The following TRIM48 variants were observed in gnomAD, a reference collection of about 807,000 sequenced individuals.
TRIM48 encodes tripartite motif containing 48.
A neutral mutation model predicts 29.5 loss-of-function variants in TRIM48; 31 were observed. The ratio of observed to expected loss-of-function variants is 1.05; its 90% confidence interval spans 0.79 to 1.42. The LOEUF (loss-of-function observed/expected upper bound fraction) is 1.42, where lower values mean the gene tolerates loss of function less well. Ranked by LOEUF, TRIM48 falls within the 40% of genes most tolerant of loss-of-function variation. The probability of loss-of-function intolerance (pLI) is 0.00; values close to 1 mark genes in which losing one functional copy is unlikely to be tolerated. For synonymous variants in TRIM48, 128 were observed against 90.6 expected, an observed-to-expected ratio of 1.41 and a Z score of -2.34; for missense variants, 344 against 265.0, an observed-to-expected ratio of 1.30 and a Z score of -2.07.
intron 1 of TRIM48, among the ~76,000 whole-genome samples, chr11:55,264,399 A>C (rs1271531378): frequency 6.8e-6 from 1 of 148,042 alleles, no homozygotes; most frequent in Admixed American, 6.8e-5. Context: ...CAGGACATGC[A>C]GGCTTGTTAC....
rs1029898236 is a variant in TRIM48 at position 55,268,691 on chromosome 11, G to T, written c.578+319G>T. Among the ~76,000 whole-genome samples the T allele has an allele frequency of 2.2e-4, 33 of 147,828 alleles. 2 individuals are homozygous for T. Among genetic ancestry groups the T allele is most frequent in the African/African-American group, 7.4e-4 (30 of 40,362 alleles). On this transcript the variant is annotated intron_variant, in intron 4 of 5. Transcript: ENST00000417545. ...AGGAAGCAGGAGAGAAGTGGGGGAAGTATTTTAGCAGTGAAAAAGTTGATG... is the reference window on the plus strand; with the variant it reads ...AGGAAGCAGGAGAGAAGTGGGGGAATTATTTTAGCAGTGAAAAAGTTGATG...
In TRIM48 at chr11:55,270,407, T is replaced by C. The variant is rs1021314586; in HGVS notation, c.*2-30T>C. 4 of 1,412,998 alleles carry C rather than the reference T, an allele frequency of 2.8e-6. 1 individual carries two copies. Among genetic ancestry groups the C allele is most frequent in the African/African-American group, 1.5e-5 (1 of 68,624 alleles). The allele number at this position is 1,412,998 out of a possible 1,614,324, so 87.5% of individuals were successfully genotyped here. ...TATGCATGTTTTCTTTCTTTCTTTC[T>C]TTCTATTTATTTATTTATTTATTTT... On this transcript the variant is annotated intron_variant, in intron 5 of 5. Coordinates refer to ENST00000417545, the MANE Select transcript of TRIM48 (RefSeq NM_024114.5).
intron 4 of TRIM48, 113 bp downstream of exon 4, chr11:55,268,485 G>A: frequency 3.7e-6 from 4 of 1,070,898 alleles, no homozygotes; most frequent in Non-Finnish European, 4.0e-6. Context: ...ATTTTTTTTT[G>A]CATCTTCTTT....
intron 1 of TRIM48, among the ~76,000 whole-genome samples, chr11:55,262,598 T>C (rs1470317521): frequency 6.6e-6 from 1 of 152,136 alleles, no homozygotes; most frequent in Non-Finnish European, 1.5e-5. Context: ...TATGTACACA[T>C]AGGTGTGTGT....
At chr11:55,269,849 A>T (rs367838816) in intron 5 of TRIM48, among the ~76,000 whole-genome samples, 6 of 147,968 alleles carry the variant, frequency 4.1e-5, no homozygotes, top group African/African-American at 1.5e-4. Context: ...AAAACATCAA[A>T]CAAAAAGAAG....
chr11:55,265,644 T>C lies in TRIM48; in HGVS notation c.504T>C (p.Cys168=). The C allele has an allele frequency of 6.3e-7, 1 of 1,581,710 alleles. No individual in the cohort carries two copies. Among genetic ancestry groups the C allele is most frequent in the Non-Finnish European group, 8.6e-7 (1 of 1,165,366 alleles). ...KKMQSLWEKA[C]ENQRNLNVET... ...TGCAGTCTTTATGGGAAAAAGCTTG[T>C]GAAAATCAGAGAAACCTGAATGTGG... The change falls in exon 3 of 6, where the codon TGT becomes TGC. Residue 168 remains cysteine (C), a synonymous_variant. Coordinates refer to ENST00000417545, the MANE Select transcript of TRIM48 (RefSeq NM_024114.5).
chr11:55,267,514 A>G lies in TRIM48; in HGVS notation c.556-836A>G, dbSNP rs2867253. 5 of 1,579,256 alleles carry G rather than the reference A, an allele frequency of 3.2e-6. No individual in the cohort carries two copies. In the South Asian group the frequency reaches 4.8e-5, roughly 15 times the overall value. On this transcript the variant is annotated intron_variant, in intron 3 of 5. Coordinates refer to ENST00000417545, the MANE Select transcript of TRIM48 (RefSeq NM_024114.5). ...ATTTGGAGATGCTGAAAAAGAAGGGAAAAGATATTTTTCATCAACTTCATT... is the reference window on the plus strand; with the variant it reads ...ATTTGGAGATGCTGAAAAAGAAGGGGAAAGATATTTTTCATCAACTTCATT...
chr11:55,266,319 C>T (rs983764198), intron 3 of TRIM48, among the ~76,000 whole-genome samples: 3 of 147,432 alleles, frequency 2.0e-5, no homozygotes, highest in African/African-American at 7.4e-5. Flanking sequence ...CTGAGGACTT[C>T]AGAAAAATAT....
chr11:55,267,182 T>A (rs796349713), intron 3 of TRIM48, among the ~76,000 whole-genome samples: 2 of 148,068 alleles, frequency 1.4e-5, no homozygotes, highest in South Asian at 2.4e-4. Flanking sequence ...TATTTCCAAC[T>A]ATCTTAGAAC....
In TRIM48 at chr11:55,269,337, GA is replaced by G. The variant is rs773726663; in HGVS notation, c.675del (p.Ter225TrpfsTer21). ...TGLRDRLNQF[*>X] ...CTGAGGGACAGGCTCAACCAATTCT[GA>G]GGTAAGTCTCCACCCACAGGCAGCA... On this transcript the variant is annotated frameshift_variant and stop_lost and splice_region_variant, in exon 5 of 6. Transcript: ENST00000417545. LOFTEE classifies it high-confidence loss of function. The G allele has an allele frequency of 6.4e-7, 1 of 1,574,280 alleles. No individual in the cohort carries two copies. The highest frequency in any genetic ancestry group is 1.7e-5 in the Admixed American group (1 of 58,492).
intron 3 of TRIM48, among the ~76,000 whole-genome samples, chr11:55,266,710 G>A (rs1262657558): frequency 6.8e-6 from 1 of 147,468 alleles, no homozygotes; most frequent in Admixed American, 6.9e-5. Context: ...AAGAGGAAGG[G>A]GAGCACAAAA....
In TRIM48 at chr11:55,262,243, AC is replaced by A. The variant is rs1398091134; in HGVS notation, c.-23del. On this transcript the variant is annotated 5_prime_UTR_variant, in exon 1 of 6. Transcript: ENST00000417545. ...CAGTACTGCAGCGAATGAGCTCCTG[AC>A]CTTGAGGAGTACTTAACAGAATTAT... The A allele has an allele frequency of 1.3e-6, 2 of 1,547,192 alleles. No homozygotes were observed. The highest frequency in any genetic ancestry group is 1.7e-6 in the Non-Finnish European group (2 of 1,144,934).
chr11:55,267,097 A>G lies in TRIM48; in HGVS notation c.556-1253A>G, dbSNP rs1273346327. 1.1e-4 allele frequency among the ~76,000 whole-genome samples: 17 copies of G among 148,058 alleles called. 2 individuals carry two copies. The Admixed American group carries it at 1.2e-3, about 10-fold the overall frequency. On this transcript the variant is annotated intron_variant, in intron 3 of 5. Coordinates refer to ENST00000417545, the MANE Select transcript of TRIM48 (RefSeq NM_024114.5). ...CTAGTAACTATAGCTCTATACTCCA[A>G]CTCTTAAGCATGAACTATTCTTACT...
At chr11:55,267,742 T>A in intron 3 of TRIM48, 1 of 1,478,538 alleles carries the variant, frequency 6.8e-7, no homozygotes, top group Non-Finnish European at 9.0e-7. Context: ...ATGATGTGTT[T>A]CCAAAAACAC....
rs1209665744 is a variant in TRIM48 at position 55,262,294 on chromosome 11, C to G, written c.27C>G (p.Thr9=). 1.9e-6 allele frequency: 3 copies of G among 1,548,312 alleles called. No homozygotes were observed. The highest frequency in any genetic ancestry group is 2.7e-5 in the African/African-American group (2 of 72,870). The part of the protein sequence containing the change: MSRRIIVG[T]LQRTQRNMNS... ...TGTCTCGAAGAATCATTGTGGGAAC[C>G]CTTCAAAGAACCCAGCGGTGAGTGA... Residue 9 remains threonine, a synonymous_variant, in exon 1 of 6, where the codon ACC becomes ACG. Coordinates refer to ENST00000417545, the MANE Select transcript of TRIM48 (RefSeq NM_024114.5).
chr11:55,268,516 C>T (rs1409956440), intron 4 of TRIM48, 144 bp downstream of exon 4: 1 of 762,088 alleles, frequency 1.3e-6, no homozygotes, highest in Non-Finnish European at 2.1e-6. Context: ...CCAGAAAAGA[C>T]AAGACCACTA....
chr11:55,264,133 C>CATTTATTGTGTTACTA lies in TRIM48; in HGVS notation c.45-767_45-766insATTTATTGTGTTACTA, dbSNP rs778336218. ...ACACCATGGAAATATAATTACACCT[C>CATTTATTGTGTTACTA]TTTAAGTTTAACAAAAATCCTACTA... On this transcript the variant is annotated intron_variant, in intron 1 of 5. Transcript: ENST00000417545. 1.1e-4 allele frequency among the ~76,000 whole-genome samples: 17 copies of CATTTATTGTGTTACTA among 149,166 alleles called. 2 individuals carry two copies. The highest frequency in any genetic ancestry group is 4.7e-4 in the South Asian group (2 of 4,254).
At position 55,269,286 on chromosome 11, in the gene TRIM48, C is replaced by T. The variant is rs559808563; in HGVS notation, c.623C>T (p.Ala208Val). The T allele has an allele frequency of 6.6e-4, 1,038 of 1,576,212 alleles. 223 individuals are homozygous for T. In the East Asian group the frequency reaches 0.023, roughly 35 times the overall value. Residue 208 changes from alanine (A) to valine (V), a missense_variant, in exon 5 of 6, where the codon GCG becomes GTG. Transcript: ENST00000417545. ...CACATGCCCCAGCCTCTGAATCTAG[C>T]GCTCAGGGCAGGGCCCATCACTGGA... is the stretch of plus-strand genomic sequence containing the variant. ...LLHMPQPLNL[A>V]LRAGPITGLR... is the part of the protein sequence containing the mutation.
rs895291876 is a variant in TRIM48 at position 55,270,512 on chromosome 11, G to T, written c.*77G>T. 1 of 1,578,580 alleles carries T rather than the reference G, an allele frequency of 6.3e-7. No individual in the cohort carries two copies. Among genetic ancestry groups the T allele is most frequent in the African/African-American group, 1.4e-5 (1 of 73,412 alleles). On this transcript the variant is annotated 3_prime_UTR_variant, in exon 6 of 6. Transcript: ENST00000417545. ...GGAGATTTGAGAAGCATTTGTATTGGATGTGACCGTCAAAATCCGCCCCAT... is the reference window on the plus strand; with the variant it reads ...GGAGATTTGAGAAGCATTTGTATTGTATGTGACCGTCAAAATCCGCCCCAT...
Sources: gnomAD v4.1 joint callset for allele counts (sites outside exome capture counted in the v4.1 genomes callset) on GRCh38, gnomAD v4.1.1 for gene constraint, MANE v1.5 for transcripts, NCBI Gene and HGNC (gene_info 2026-07-23, HGNC 2026-07-21) for gene names.